CCDC33: variants seen among roughly 807,000 people sequenced by gnomAD.
CCDC33 encodes the protein coiled-coil domain containing 33.
Under a neutral mutation model 91.9 loss-of-function variants are expected in CCDC33, and 94 were observed. That is an observed-to-expected ratio of 1.02 (90% CI 0.87 to 1.21). CCDC33 has a LOEUF of 1.21. Among genes scored for constraint, CCDC33 ranks in the 50% most tolerant of loss-of-function variants. The pLI is 0.00. For missense variants in CCDC33, 940 were observed against 935.5 expected (o/e 1.00, Z -0.06); for synonymous variants, 396 against 374.5 (o/e 1.06, Z -0.66).
chr15:74,279,816 C>T (rs1052484971), intron 7 of CCDC33, 147 bp from the exon 8 acceptor site: 16 of 1,070,542 alleles, frequency 1.5e-5, no homozygotes, highest in South Asian at 1.3e-4. Context: ...GAATTACAGG[C>T]GTGAGCCACT....
intron 11 of CCDC33, among the ~76,000 whole-genome samples, chr15:74,324,529 G>A (rs550458158): frequency 2.0e-5 from 3 of 151,988 alleles, no homozygotes; most frequent in African/African-American, 4.8e-5. Context: ...GCCTGCTCTC[G>A]CCGCTTTTCC....
chr15:74,240,119 C>T (rs2142246755), intron 1 of CCDC33, among the ~76,000 whole-genome samples: 1 of 152,372 alleles, frequency 6.6e-6, no homozygotes, highest in South Asian at 2.1e-4. Flanking sequence ...CGGGCACATG[C>T]CTGCAAGCCT....
At chr15:74,299,954 GAGACCC>G (rs1447684854) in intron 11 of CCDC33, 1 of 152,290 alleles carries the variant, frequency 6.6e-6, no homozygotes, top group African/African-American at 2.4e-5. Context: ...TTGGGGCCTA[GAGACCC>G]AGCCCCCAGC....
rs2060096519 is a variant in CCDC33 at position 74,316,817 on chromosome 15, T to G, written c.1291-13372T>G. On this transcript the variant is annotated intron_variant, in intron 11 of 18. Coordinates refer to ENST00000398814, the MANE Select transcript of CCDC33 (RefSeq NM_025055.5). This position sits in a 1 kb window ranked among gnomAD's most constrained non-coding sequence, Gnocchi z 4.7. ...CCAGACGCTGCTCGGACGTGTACAC[T>G]CGCAGCCTCATTTAATCCCCAACAG... 6.6e-6 allele frequency among the ~76,000 whole-genome samples: 1 copy of G among 152,152 alleles called. No homozygotes were observed. Among genetic ancestry groups the G allele is most frequent in the Non-Finnish European group, 1.5e-5 (1 of 68,030 alleles).
intron 2 of CCDC33, among the ~76,000 whole-genome samples, chr15:74,258,169 T>G (rs2075923061): frequency 6.6e-6 from 1 of 152,200 alleles, no homozygotes; most frequent in African/African-American, 2.4e-5. Context: ...CCACCATCCA[T>G]CCACTTAAAG....
intron 11 of CCDC33, among the ~76,000 whole-genome samples, chr15:74,329,470 G>A (rs2142868802): frequency 6.6e-6 from 1 of 152,324 alleles, no homozygotes. Flanking sequence ...ACGCAGGTCT[G>A]ATGAGAGGAC....
intron 7 of CCDC33, among the ~76,000 whole-genome samples, chr15:74,278,011 T>C (rs1416603984): frequency 6.6e-6 from 1 of 152,190 alleles, no homozygotes; most frequent in African/African-American, 2.4e-5. Flanking sequence ...GGGAGGGACA[T>C]GGTTTGGGGA....
intron 2 of CCDC33, among the ~76,000 whole-genome samples, chr15:74,228,128 C>T (rs1567216779): frequency 6.6e-6 from 1 of 152,194 alleles, no homozygotes; most frequent in Non-Finnish European, 1.5e-5. Flanking sequence ...AGGAGCACCA[C>T]AGGGAGAGCA....
intron 1 of CCDC33, among the ~76,000 whole-genome samples, chr15:74,241,876 G>A (rs944820574): frequency 1.3e-5 from 2 of 152,218 alleles, no homozygotes; most frequent in African/African-American, 4.8e-5. Flanking sequence ...AAGATGTGGG[G>A]CTTGAACAAC....
intron 11 of CCDC33, among the ~76,000 whole-genome samples, chr15:74,298,820 C>T (rs1450972345): frequency 6.8e-6 from 1 of 146,080 alleles, no homozygotes; most frequent in Non-Finnish European, 1.5e-5. Context: ...TCAAGCGATT[C>T]TCCTTCCTCA....
chr15:74,230,259 G>A (rs1279546342), intron 2 of CCDC33, among the ~76,000 whole-genome samples: 1 of 152,068 alleles, frequency 6.6e-6, no homozygotes, highest in African/African-American at 2.4e-5. Flanking sequence ...TGGGGTGAGG[G>A]GACACAGGTT....
chr15:74,262,704 A>G, intron 3 of CCDC33, 131 bp downstream of exon 3: 1 of 952,302 alleles, frequency 1.1e-6, no homozygotes, highest in African/African-American at 1.7e-5. Flanking sequence ...CTCAGTTAAA[A>G]GCACTTAGAA....
intron 2 of CCDC33, among the ~76,000 whole-genome samples, chr15:74,245,910 A>T (rs992524186): frequency 2.1e-4 from 32 of 152,146 alleles, no homozygotes; most frequent in Non-Finnish European, 1.6e-4. Context: ...ATGAGATGCA[A>T]ATGATGGGAG....
At chr15:74,224,890 A>G (rs547971935) in intron 2 of CCDC33, among the ~76,000 whole-genome samples, 1 of 152,292 alleles carries the variant, frequency 6.6e-6, no homozygotes, top group Non-Finnish European at 1.5e-5. Flanking sequence ...TTGCCCAGCC[A>G]GTCTCCCAAG....
At chr15:74,207,706 C>T in intron 1 of CCDC33, 1 of 1,535,712 alleles carries the variant, frequency 6.5e-7, no homozygotes, top group Non-Finnish European at 8.7e-7. Flanking sequence ...CCTGTGCAGC[C>T]CAGTCCCCTT....
At chr15:74,240,006 A>G (rs2075296090) in intron 1 of CCDC33, among the ~76,000 whole-genome samples, 1 of 152,346 alleles carries the variant, frequency 6.6e-6, no homozygotes, top group Middle Eastern at 3.4e-3. Context: ...AGACATGGGA[A>G]TAAAAAAGGG....
rs761828549 is a variant in CCDC33 at position 74,336,105 on chromosome 15, C to G, written c.*52C>G. On this transcript the variant is annotated 3_prime_UTR_variant, in exon 19 of 19. Transcript: ENST00000398814. Reference sequence around the variant, plus strand: ...GTGCTGGGGAGTCTCATCACCGCCCCCTAAAAATGACGTTATTAAATGTTG... The same window carrying G: ...GTGCTGGGGAGTCTCATCACCGCCCGCTAAAAATGACGTTATTAAATGTTG... The G allele has an allele frequency of 6.3e-7, 1 of 1,593,850 alleles. No homozygotes were observed. The highest frequency in any genetic ancestry group is 2.2e-5 in the East Asian group (1 of 44,544).
In CCDC33 at chr15:74,218,766, C is replaced by T. The variant is rs777807128; in HGVS notation, c.580C>T (p.Arg194Trp). 20 of 1,289,246 alleles carry T rather than the reference C, an allele frequency of 1.6e-5. No homozygotes were observed. The highest frequency in any genetic ancestry group is 7.6e-5 in the African/African-American group (5 of 65,844). The allele number at this position is 1,289,246 out of a possible 1,614,324, so 79.9% of individuals were successfully genotyped here. ...CTACAGTGTGGCCTTCCACGTCCAC[C>T]GGGGCCCTCAGCCTCCAGTCTCAGA... The change falls in exon 2 of 3, where the codon CGG (arginine) becomes TGG (tryptophan). Residue 194 changes from arginine to tryptophan, a missense_variant. Arg to Trp is a moderately radical substitution (Grantham distance 101). Transcript: ENST00000635913. This position sits in a 1 kb window ranked among gnomAD's most constrained non-coding sequence, Gnocchi z 4.8.
intron 2 of CCDC33, among the ~76,000 whole-genome samples, chr15:74,229,061 C>T (rs117080820): frequency 1.3e-5 from 2 of 152,152 alleles, no homozygotes; most frequent in East Asian, 3.9e-4. Context: ...GTCCAGTGGG[C>T]GAGGTACCCA....
Sources: allele counts gnomAD v4.1 joint callset (sites outside exome capture counted in the v4.1 genomes callset), GRCh38; gene constraint gnomAD v4.1.1; non-coding constraint Gnocchi (gnomAD v3.1); transcripts MANE v1.5; gene names NCBI Gene and HGNC (gene_info 2026-07-23, HGNC 2026-07-21).